The following RSPH6A variants were observed in gnomAD, a reference collection of about 807,000 sequenced individuals.
The protein encoded by RSPH6A is radial spoke head 6 homolog A, also known as radial spoke head protein 6 homolog A.
Under a neutral mutation model 66.1 loss-of-function variants are expected in RSPH6A, and 49 were observed. The observed-to-expected ratio is 0.74, with a 90% CI of 0.59 to 0.94. The LOEUF (loss-of-function observed/expected upper bound fraction) is 0.94, where lower values mean the gene tolerates loss of function less well. RSPH6A is among the 40% of genes least tolerant of loss of function. The pLI is 0.00. For missense variants in RSPH6A, 977 were observed against 948.3 expected (o/e 1.03, Z -0.40); for synonymous variants, 419 against 402.4 (o/e 1.04, Z -0.49).
chr19:45,800,691 C>A, intron 4 of RSPH6A, 128 bp from the exon 5 acceptor site: 2 of 609,430 alleles, frequency 3.3e-6, no homozygotes, highest in Non-Finnish European at 2.7e-6. Context: ...CTATAGCCAC[C>A]AACAGCTCGG....
At chr19:45,803,183 T>G (rs1194361294) in intron 3 of RSPH6A, among the ~76,000 whole-genome samples, 1 of 133,652 alleles carries the variant, frequency 7.5e-6, no homozygotes, top group African/African-American at 2.9e-5. Context: ...CACTCCAGCC[T>G]GGGCAATAGA....
At chr19:45,805,194 C>T (rs1290557006) in intron 2 of RSPH6A, among the ~76,000 whole-genome samples, 178 bp from the exon 3 acceptor site, 1 of 151,778 alleles carries the variant, frequency 6.6e-6, no homozygotes, top group Non-Finnish European at 1.5e-5. Flanking sequence ...GTCAATAATT[C>T]GAGTCCAGCC....
At chr19:45,814,462 G>A in intron 1 of RSPH6A, 65 bp downstream of exon 1, 5 of 1,401,288 alleles carry the variant, frequency 3.6e-6, no homozygotes, top group Non-Finnish European at 4.7e-6. Flanking sequence ...ACTGAGGCAG[G>A]CACTTCGGGT....
chr19:45,805,900 C>T (rs970586262), intron 2 of RSPH6A, among the ~76,000 whole-genome samples: 2 of 152,158 alleles, frequency 1.3e-5, no homozygotes, highest in African/African-American at 4.8e-5. Context: ...GATATAAGAT[C>T]TGGAGCCACA....
intron 5 of RSPH6A, among the ~76,000 whole-genome samples, chr19:45,799,830 C>G (rs1319323399): frequency 6.6e-6 from 1 of 152,072 alleles, no homozygotes; most frequent in African/African-American, 2.4e-5. Context: ...GCAGATCACT[C>G]GAGGTCAGGA....
chr19:45,807,545 C>G (rs771195648), intron 2 of RSPH6A, among the ~76,000 whole-genome samples: 1 of 151,672 alleles, frequency 6.6e-6, no homozygotes, highest in Non-Finnish European at 1.5e-5. Context: ...GAGTCTCGCT[C>G]TGTTGCCCAG....
intron 3 of RSPH6A, among the ~76,000 whole-genome samples, chr19:45,802,662 C>T (rs963828505): frequency 2.6e-5 from 4 of 151,534 alleles, no homozygotes; most frequent in Admixed American, 1.3e-4. Flanking sequence ...CCTGACACCA[C>T]GCCTGGCTAA....
At chr19:45,800,371 G>T in intron 5 of RSPH6A, 75 bp downstream of exon 5, 1 of 1,351,776 alleles carries the variant, frequency 7.4e-7, no homozygotes, top group Non-Finnish European at 1.0e-6. Context: ...CCACCCTGGC[G>T]AGTTGCCCAG....
chr19:45,800,418 T>G, intron 5 of RSPH6A, 28 bp downstream of exon 5: 1 of 1,595,550 alleles, frequency 6.3e-7, no homozygotes, highest in Non-Finnish European at 8.6e-7. Flanking sequence ...GAGATTCTCC[T>G]GCTGGGAGGG....
Position 45,802,151 on chromosome 19 carries a change from G to A in RSPH6A, c.1767C>T (p.Pro589=). 6.4e-7 allele frequency: 1 copy of A among 1,552,754 alleles called. No individual in the cohort carries two copies. The highest frequency in any genetic ancestry group is 8.7e-7 in the Non-Finnish European group (1 of 1,144,014). The change falls in exon 4 of 6, where the codon CCC becomes CCT. Residue 589 remains proline (P), a synonymous_variant. Transcript: ENST00000221538. ...GPEEVEQEVG[P]PLLTPLSEDA... ...CTTCTGAAAGTGGCGTTAGCAGTGGGGGGCCAACCTCCTGCTCCACCTCCT... is the reference window on the plus strand; with the variant it reads ...CTTCTGAAAGTGGCGTTAGCAGTGGAGGGCCAACCTCCTGCTCCACCTCCT...
chr19:45,811,756 T>A lies in RSPH6A; in HGVS notation c.651-916A>T, dbSNP rs1447989733. 6.3e-5 allele frequency among the ~76,000 whole-genome samples: 8 copies of A among 126,280 alleles called. No individual in the cohort carries two copies. The East Asian group carries it at 3.1e-3, about 49-fold the overall frequency. 82.8% of individuals were successfully genotyped at this position (126,280 alleles called of 152,430 possible). A position where few individuals can be genotyped will look rare whatever the true frequency, so the allele number is the denominator to read the frequency against. ...TGGCCAACATTTGTATTATTATTAT[T>A]ATTATTATTATTATTATTATTATTA... On this transcript the variant is annotated intron_variant, in intron 1 of 5. Coordinates refer to ENST00000221538, the MANE Select transcript of RSPH6A (RefSeq NM_030785.4).
chr19:45,800,811 T>TGG, intron 4 of RSPH6A, among the ~76,000 whole-genome samples: 1 of 133,398 alleles, frequency 7.5e-6, no homozygotes, highest in Non-Finnish European at 1.6e-5. Flanking sequence ...TTTTTTTTTT[T>TGG]GGAGACAGAG....
At chr19:45,801,327 G>T (rs12463359) in intron 4 of RSPH6A, among the ~76,000 whole-genome samples, 69,884 of 152,024 alleles carry the variant, frequency 0.46, 16,788 homozygotes, top group African/African-American at 0.58. Context: ...TTGGACCAGG[G>T]TGCAGAGGGA....
chr19:45,814,885 ACTCTGAGGGAAAGCCCGTGTT>A lies in RSPH6A; in HGVS notation c.271_291del (p.Asn91_Glu97del). On this transcript the variant is annotated inframe_deletion, in exon 1 of 6. Coordinates refer to ENST00000221538, the MANE Select transcript of RSPH6A (RefSeq NM_030785.4). Reference sequence around the variant, plus strand: ...TCATCAGAGTAAGGCTGAGGCTGGAACTCTGAGGGAAAGCCCGTGTTCACAGATGGGTACTCCATGCCACCC... The same window carrying A: ...TCATCAGAGTAAGGCTGAGGCTGGAACACAGATGGGTACTCCATGCCACCC... The A allele has an allele frequency of 6.2e-7, 1 of 1,613,850 alleles. No homozygotes were observed.
At chr19:45,796,141 T>A in intron 5 of RSPH6A, 35 bp from the exon 6 acceptor site, 33 of 1,286,034 alleles carry the variant, frequency 2.6e-5, no homozygotes, top group Middle Eastern at 2.5e-4. Context: ...AAATTCTCCC[T>A]CAAAGGCCCC....
chr19:45,812,759 G>A (rs1379497764), intron 1 of RSPH6A, among the ~76,000 whole-genome samples: 1 of 151,968 alleles, frequency 6.6e-6, no homozygotes, highest in African/African-American at 2.4e-5. Context: ...GCACTGGCAC[G>A]ATCTTGGCTC....
chr19:45,814,292 T>C (rs151044067), intron 1 of RSPH6A, among the ~76,000 whole-genome samples: 2 of 152,134 alleles, frequency 1.3e-5, no homozygotes, highest in African/African-American at 2.4e-5. Context: ...CTCTGTAAAG[T>C]AGGATGAGCT....
At chr19:45,800,392 C>T (rs1970455287) in intron 5 of RSPH6A, 54 bp downstream of exon 5, 2 of 1,540,642 alleles carry the variant, frequency 1.3e-6, no homozygotes, top group Non-Finnish European at 1.8e-6. Flanking sequence ...CCCAACCAGG[C>T]TTGAAGAAGT....
chr19:45,813,222 C>T (rs558966616), intron 1 of RSPH6A, among the ~76,000 whole-genome samples: 1 of 152,246 alleles, frequency 6.6e-6, no homozygotes, highest in East Asian at 1.9e-4. Flanking sequence ...GCCTCAGAGC[C>T]TTTGCATTTG....
Sources: gnomAD v4.1 joint callset for allele counts (sites outside exome capture counted in the v4.1 genomes callset) on GRCh38, gnomAD v4.1.1 for gene constraint, MANE v1.5 for transcripts, NCBI Gene and HGNC (gene_info 2026-07-23, HGNC 2026-07-21) for gene names.